STT3A: variants seen among roughly 807,000 people sequenced by gnomAD.
STT3A encodes dolichyl-diphosphooligosaccharide--protein glycosyltransferase subunit STT3A.
STT3A carries 34 observed loss-of-function variants against 89.2 expected under a neutral mutation model. That is an observed-to-expected ratio of 0.38 (90% CI 0.29 to 0.51). The LOEUF is 0.51. STT3A is among the 20% of genes least tolerant of loss of function. The pLI, the probability that STT3A is intolerant of heterozygous loss-of-function variation, is 0.89. For missense variants in STT3A, 555 were observed against 889.5 expected (o/e 0.62, Z 4.78); for synonymous variants, 282 against 310.3 (o/e 0.91, Z 0.96).
chr11:125,602,479 G>A (rs1939714669), intron 4 of STT3A, 55 bp downstream of exon 4: 1 of 1,477,724 alleles, frequency 6.8e-7, no homozygotes, highest in African/African-American at 1.4e-5. Context: ...ATATTTGTAT[G>A]CTAGAGAACC....
At position 125,622,045 on chromosome 11, in the gene STT3A, TTAAC is replaced by T. The variant is rs1940363847; in HGVS notation, c.*1237_*1240del. ...GAAATCTTGTCTAAACAAAAACAAT[TTAAC>T]TGGGAAGCACAGTGGTCCTTGAGGA... On this transcript the variant is annotated 3_prime_UTR_variant, in exon 18 of 18. Transcript: ENST00000392708. 1 of 152,142 alleles carries T rather than the reference TTAAC, an allele frequency of 6.6e-6. No individual in the cohort carries two copies. The highest frequency in any genetic ancestry group is 2.4e-5 in the African/African-American group (1 of 41,438). 9.4% of individuals were successfully genotyped at this position (152,142 alleles called of 1,614,324 possible).
intron 1 of STT3A, among the ~76,000 whole-genome samples, 163 bp from the exon 2 acceptor site, chr11:125,595,718 T>A (rs923653655): frequency 1.3e-5 from 2 of 152,230 alleles, no homozygotes; most frequent in African/African-American, 2.4e-5. Flanking sequence ...CCTTGCAAGT[T>A]GATCATACTT....
At chr11:125,609,048 T>C (rs150071905) in intron 9 of STT3A, among the ~76,000 whole-genome samples, 392 of 152,350 alleles carry the variant, frequency 2.6e-3, no homozygotes, top group South Asian at 4.4e-3. Flanking sequence ...TACTTTGCTT[T>C]CTCAGAGATG....
Position 125,606,751 on chromosome 11 carries a change from G to A in STT3A, c.780+286G>A, listed in dbSNP as rs7104660. On this transcript the variant is annotated intron_variant, in intron 8 of 17. Coordinates refer to ENST00000392708, the MANE Select transcript of STT3A (RefSeq NM_152713.5). Reference sequence around the variant, plus strand: ...TGAGTTGAGTTTAGATGAGTGATCAGAGTTAAAATTTCCAGTCTTCTTAAT... The same window carrying A: ...TGAGTTGAGTTTAGATGAGTGATCAAAGTTAAAATTTCCAGTCTTCTTAAT... 0.049 allele frequency among the ~76,000 whole-genome samples: 7,481 copies of A among 152,238 alleles called. 209 individuals are homozygous for A. Among genetic ancestry groups the A allele is most frequent in the Middle Eastern group, 0.068 (20 of 294 alleles).
chr11:125,616,595 A>T (rs769810598), intron 15 of STT3A, among the ~76,000 whole-genome samples: 1 of 152,256 alleles, frequency 6.6e-6, no homozygotes, highest in Non-Finnish European at 1.5e-5. Flanking sequence ...AAATAAAAAA[A>T]GTTGGGCCTG....
At chr11:125,593,890 A>T (rs1173277894) in intron 1 of STT3A, among the ~76,000 whole-genome samples, 1 of 152,168 alleles carries the variant, frequency 6.6e-6, no homozygotes, top group East Asian at 1.9e-4. Context: ...CTTTATTCCA[A>T]TAATAGTGGG....
At chr11:125,620,615 G>C (rs536144740) in intron 17 of STT3A, among the ~76,000 whole-genome samples, 157 bp from the exon 18 acceptor site, 1 of 152,310 alleles carries the variant, frequency 6.6e-6, no homozygotes, top group South Asian at 2.1e-4. Context: ...TAAGCAGAGA[G>C]AATCTAGTCT....
At chr11:125,612,156 G>A (rs921351288) in intron 11 of STT3A, among the ~76,000 whole-genome samples, 3 of 152,098 alleles carry the variant, frequency 2.0e-5, no homozygotes, top group Non-Finnish European at 2.9e-5. Flanking sequence ...GATTACAGGC[G>A]TGAGCCACTG....
intron 9 of STT3A, 145 bp from the exon 10 acceptor site, chr11:125,609,287 ACT>A (rs746865281): frequency 1.4e-5 from 13 of 936,846 alleles, no homozygotes; most frequent in African/African-American, 1.7e-5. Context: ...AAGGAGTGAA[ACT>A]CTCTAAGTAT....
chr11:125,610,955 T>C (rs542112565), intron 10 of STT3A: 1 of 152,760 alleles, frequency 6.5e-6, no homozygotes, highest in African/African-American at 2.4e-5. Context: ...TAGCCACTGT[T>C]AACATTTTGA....
At chr11:125,600,349 CTTA>C (rs555249039) in intron 3 of STT3A, among the ~76,000 whole-genome samples, 1 of 150,314 alleles carries the variant, frequency 6.7e-6, no homozygotes, top group Non-Finnish European at 1.5e-5. Context: ...TGCGCCTGGC[CTTA>C]TTATTATTAT....
rs1940089920 is a variant in STT3A, at chr11:125,613,671, C to G, written c.1555-416C>G. The G allele has an allele frequency of 1.2e-5, 2 of 171,688 alleles. No homozygotes were observed. The highest frequency in any genetic ancestry group is 2.5e-5 in the Non-Finnish European group (2 of 80,086). 10.6% of individuals were successfully genotyped at this position (171,688 alleles called of 1,614,324 possible). ...TAGGAATAAAAACTTTTAAGAGTCT[C>G]TTAATTCTTGTCCATCGTATCATGT... On this transcript the variant is annotated intron_variant, in intron 13 of 17. Transcript: ENST00000392708. The surrounding 1 kb of genome is among the most constrained non-coding windows in gnomAD (Gnocchi z 4.2).
At chr11:125,594,311 G>A (rs747382054) in intron 1 of STT3A, among the ~76,000 whole-genome samples, 17 of 152,160 alleles carry the variant, frequency 1.1e-4, no homozygotes, top group Non-Finnish European at 2.2e-4. Context: ...TCTGGGCGTG[G>A]TAGCTCACGC....
At position 125,620,104 on chromosome 11, in the gene STT3A, A is replaced by G; in HGVS notation, c.2057A>G (p.His686Arg). 2 of 1,614,102 alleles carry G rather than the reference A, an allele frequency of 1.2e-6. No individual in the cohort carries two copies. Among genetic ancestry groups the G allele is most frequent in the Non-Finnish European group, 1.7e-6 (2 of 1,179,984 alleles). The part of the protein sequence containing the change: ...DVLEEAYTTE[H>R]WLVRIYKVKD... ...CTGGAGGAAGCATATACCACAGAAC[A>G]TTGGCTGGTCAGGATATACAAGGTA... Residue 686 changes from histidine (H) to arginine (R), a missense_variant, in exon 17 of 18, where the codon CAT becomes CGT. Physicochemically the swap from His to Arg is conservative, Grantham distance 29. Around this residue, in one of 5 missense-constraint regions of STT3A, gnomAD observed 273 missense variants for 449.8 expected, o/e 0.61. Transcript: ENST00000392708.
At position 125,614,975 on chromosome 11, in the gene STT3A, A is replaced by C. The variant is rs1465899263; in HGVS notation, c.1774+549A>C. 2.0e-5 allele frequency among the ~76,000 whole-genome samples: 3 copies of C among 152,164 alleles called. No individual in the cohort carries two copies. The stretch of plus-strand genomic sequence containing the variant: ...TTAATGTAATGCCTGTTTACACTTT[A>C]AAAAGTTAAGCAGTTCACAGCCGGG... On this transcript the variant is annotated intron_variant, in intron 15 of 17. Transcript: ENST00000392708. This position sits in a 1 kb window ranked among gnomAD's most constrained non-coding sequence, Gnocchi z 4.9.
intron 6 of STT3A, 23 bp downstream of exon 6, chr11:125,604,270 G>C (rs1288267792): frequency 6.2e-7 from 1 of 1,610,178 alleles, no homozygotes; most frequent in Admixed American, 1.7e-5. Context: ...AAATGCTGAA[G>C]AAGATCATCT....
Position 125,618,479 on chromosome 11 carries a change from C to T in STT3A, c.1881C>T (p.Asp627=), listed in dbSNP as rs571470568. The T allele has an allele frequency of 6.2e-7, 1 of 1,613,854 alleles. No homozygotes were observed. ...CTCCAACTGGGGAGTTCCGTGTGGA[C>T]CGTGAAGGTTCTCCAGTGCTGCTCA... The part of the protein sequence containing the change: ...YYTPTGEFRV[D]REGSPVLLNC... The change falls in exon 16 of 18, where the codon GAC becomes GAT. Residue 627 remains aspartate, a synonymous_variant. Coordinates refer to ENST00000392708, the MANE Select transcript of STT3A (RefSeq NM_152713.5).
intron 16 of STT3A, among the ~76,000 whole-genome samples, chr11:125,618,939 G>T (rs540058474): frequency 6.4e-4 from 97 of 152,248 alleles, no homozygotes; most frequent in Non-Finnish European, 3.5e-4. Context: ...TCACTATGTT[G>T]TCTGGGCTGG....
At chr11:125,619,498 G>A (rs1591382657) in intron 16 of STT3A, among the ~76,000 whole-genome samples, 1 of 152,136 alleles carries the variant, frequency 6.6e-6, no homozygotes, top group Non-Finnish European at 1.5e-5. Context: ...ACTTTTTATT[G>A]TCCTTAAGGG....
Sources: gnomAD v4.1 joint callset for allele counts (sites outside exome capture counted in the v4.1 genomes callset) on GRCh38, gnomAD v4.1.1 for gene constraint, gnomAD v4.1.1 regional missense constraint, Gnocchi (gnomAD v3.1) non-coding constraint, MANE v1.5 for transcripts, NCBI Gene and HGNC (gene_info 2026-07-23, HGNC 2026-07-21) for gene names.